EMC1: variants seen among roughly 807,000 people sequenced by gnomAD.
EMC1 encodes KIAA0090.
EMC1 carries 103 observed loss-of-function variants against 128.8 expected under a neutral mutation model. The observed-to-expected ratio is 0.80, with a 90% CI of 0.68 to 0.94. The LOEUF (loss-of-function observed/expected upper bound fraction) is 0.94. EMC1 is among the 40% of genes least tolerant of loss of function. The pLI, the probability that EMC1 is intolerant of heterozygous loss-of-function variation, is 0.00. For synonymous variants in EMC1, 442 were observed against 490.4 expected (o/e 0.90, Z 1.30); for missense variants, 1,083 against 1,250.6 (o/e 0.87, Z 2.02).
intron 17 of EMC1, among the ~76,000 whole-genome samples, chr1:19,227,653 G>A (rs1186224761): frequency 1.3e-5 from 2 of 152,120 alleles, no homozygotes; most frequent in Middle Eastern, 3.2e-3. Context: ...GATCACTTGA[G>A]GTCAGGAGTT....
At chr1:19,246,756 G>A (rs2093633841) in intron 1 of EMC1, among the ~76,000 whole-genome samples, 1 of 151,752 alleles carries the variant, frequency 6.6e-6, no homozygotes, top group Non-Finnish European at 1.5e-5. Context: ...CTCCGGCGTG[G>A]GTGACAGAGC....
chr1:19,237,511 CAA>C (rs2093574783), intron 11 of EMC1, among the ~76,000 whole-genome samples: 5 of 152,162 alleles, frequency 3.3e-5, no homozygotes, highest in Admixed American at 3.3e-4. Flanking sequence ...TCACACCCCA[CAA>C]AGTGAGCAGG....
At chr1:19,231,630 T>A (rs903195851) in intron 15 of EMC1, among the ~76,000 whole-genome samples, 1 of 152,078 alleles carries the variant, frequency 6.6e-6, no homozygotes, top group African/African-American at 2.4e-5. Context: ...GCCAGTTCTT[T>A]TTCGTTTGAG....
rs1255992049 is a variant in EMC1 at position 19,225,151 on chromosome 1, A to G, written c.2203-1582T>C. Among the ~76,000 whole-genome samples the G allele has an allele frequency of 2.0e-5, 3 of 152,186 alleles. No individual in the cohort carries two copies. The East Asian group carries it at 5.8e-4, about 29-fold the overall frequency. ...TGATGAAAGCCTCACGAGGTCAGGA[A>G]GTTTTGTCTGTTTTGCCCATTTTAT... On this transcript the variant is annotated intron_variant, in intron 18 of 22. Transcript: ENST00000477853.
intron 7 of EMC1, 47 bp from the exon 8 acceptor site, chr1:19,240,032 C>T (rs753853734): frequency 6.4e-7 from 1 of 1,553,684 alleles, no homozygotes. Context: ...CTGACGACTC[C>T]CTGACCCATC....
intron 9 of EMC1, 131 bp downstream of exon 9, chr1:19,239,100 C>A (rs535602218): frequency 5.8e-4 from 495 of 849,062 alleles, no homozygotes; most frequent in Non-Finnish European, 8.5e-4. Context: ...CAAGACCTCA[C>A]TTCTCAACAG....
intron 17 of EMC1, among the ~76,000 whole-genome samples, chr1:19,227,989 T>C (rs2093489359): frequency 6.6e-6 from 1 of 152,180 alleles, no homozygotes; most frequent in Admixed American, 6.5e-5. Context: ...GTGGATCACC[T>C]GAGGTCGGGA....
rs149179220 is a variant in EMC1 at position 19,226,279 on chromosome 1, G to A, written c.2202+1034C>T. ...ACAGAGATGGAGTTTCTGATGGCTC[G>A]ACTATGGTTTAACCCCAGAATGCTC... On this transcript the variant is annotated intron_variant, in intron 18 of 22. Transcript: ENST00000477853. Among the ~76,000 whole-genome samples the A allele has an allele frequency of 3.8e-4, 58 of 152,086 alleles. 2 individuals carry two copies. The East Asian group carries it at 0.01, about 27-fold the overall frequency.
At chr1:19,220,640 C>T in intron 21 of EMC1, 124 bp downstream of exon 21, 2 of 654,624 alleles carry the variant, frequency 3.1e-6, no homozygotes, top group Middle Eastern at 3.9e-4. Flanking sequence ...TTCAGACTTG[C>T]CCCCTGCTAC....
intron 17 of EMC1, among the ~76,000 whole-genome samples, chr1:19,229,751 A>T (rs2093505952): frequency 6.6e-6 from 1 of 152,188 alleles, no homozygotes; most frequent in Non-Finnish European, 1.5e-5. Context: ...TCCAACTCAG[A>T]TGGCATTTAC....
intron 11 of EMC1, 43 bp downstream of exon 11, chr1:19,237,974 G>C (rs1166794597): frequency 6.2e-7 from 1 of 1,603,584 alleles, no homozygotes; most frequent in South Asian, 1.1e-5. Context: ...GCCATGTGCT[G>C]AGAAGCCCAC....
rs144311380 is a variant in EMC1 at position 19,218,506 on chromosome 1, C to G, written c.*797G>C. ...CTGTGGGTGAAATGAGAGATTATCT[C>G]TTCTCCCTGGAAATGTCTTCAAGGC... On this transcript the variant is annotated 3_prime_UTR_variant, in exon 23 of 23. Transcript: ENST00000477853. The G allele has an allele frequency of 2.0e-5, 3 of 152,296 alleles. No homozygotes were observed. Among genetic ancestry groups the G allele is most frequent in the African/African-American group, 7.2e-5 (3 of 41,556 alleles). 9.4% of individuals were successfully genotyped at this position (152,296 alleles called of 1,614,324 possible). A position where few individuals can be genotyped will look rare whatever the true frequency, so the allele number is the denominator to read the frequency against.
intron 18 of EMC1, among the ~76,000 whole-genome samples, chr1:19,226,036 T>C (rs986222239): frequency 2.0e-5 from 3 of 152,174 alleles, no homozygotes; most frequent in African/African-American, 7.2e-5. Context: ...AACTAGAGGC[T>C]TGCACTGTGT....
intron 1 of EMC1, among the ~76,000 whole-genome samples, chr1:19,245,814 A>G (rs2093629710): frequency 6.6e-6 from 1 of 151,598 alleles, no homozygotes; most frequent in Non-Finnish European, 1.5e-5. Context: ...TTTAGTAGAC[A>G]TGGGGTTTCA....
At chr1:19,237,672 C>T (rs2093576049) in intron 11 of EMC1, among the ~76,000 whole-genome samples, 2 of 152,170 alleles carry the variant, frequency 1.3e-5, no homozygotes, top group Admixed American at 6.5e-5. Context: ...CGCAGTGACA[C>T]CTCTTACTGG....
At chr1:19,247,745 C>T (rs1450821217) in intron 1 of EMC1, among the ~76,000 whole-genome samples, 2 of 152,186 alleles carry the variant, frequency 1.3e-5, no homozygotes, top group African/African-American at 4.8e-5. Context: ...GTATTCCAAG[C>T]TGGCCGCAGT....
rs758769418 is a variant in EMC1, at chr1:19,223,398, C to G, written c.2374G>C (p.Val792Leu). 1.5e-5 allele frequency: 25 copies of G among 1,613,444 alleles called. No individual in the cohort carries two copies. The Admixed American group carries it at 4.2e-4, about 27-fold the overall frequency. The change falls in exon 19 of 23, where the codon GTG (valine) becomes CTG (leucine). Residue 792 changes from valine to leucine, a missense_variant and splice_region_variant. Coordinates refer to ENST00000477853, the MANE Select transcript of EMC1 (RefSeq NM_015047.3). ...VHIVHSENWV[V>L]YQYWNTKARR... is the part of the protein sequence containing the mutation. ...GGTCCCTGGTAGTGACCGCTTACCA[C>G]CACCCAGTTCTCTGAATGCACGATA... is the stretch of plus-strand genomic sequence containing the variant.
chr1:19,240,003 G>T lies in EMC1; in HGVS notation c.787-18C>A, dbSNP rs1412974655. Reference sequence around the variant, plus strand: ...TCGAGAGACTGGAAGGCAAGAAGGAGGAGGATTATGGCTAACAGCTGACGA... The same window carrying T: ...TCGAGAGACTGGAAGGCAAGAAGGATGAGGATTATGGCTAACAGCTGACGA... On this transcript the variant is annotated intron_variant, in intron 7 of 22. Transcript: ENST00000477853. The T allele has an allele frequency of 1.3e-5, 21 of 1,603,836 alleles. No homozygotes were observed. The highest frequency in any genetic ancestry group is 1.8e-5 in the Non-Finnish European group (21 of 1,173,502).
At chr1:19,226,560 T>G (rs2093475172) in intron 18 of EMC1, among the ~76,000 whole-genome samples, 1 of 152,078 alleles carries the variant, frequency 6.6e-6, no homozygotes, top group South Asian at 2.1e-4. Context: ...AAAAAATTTT[T>G]TTTGTTTGTT....
Sources: allele counts gnomAD v4.1 joint callset (sites outside exome capture counted in the v4.1 genomes callset), GRCh38; gene constraint gnomAD v4.1.1; transcripts MANE v1.5; gene names NCBI Gene and HGNC (gene_info 2026-07-23, HGNC 2026-07-21).